The following HSPA8 variants were observed in gnomAD, a reference collection of about 807,000 sequenced individuals.
HSPA8 encodes heat shock cognate 71 kDa protein.
In HSPA8, 2 loss-of-function variants were observed where a neutral mutation model predicts 52.8. The observed-to-expected ratio is 0.04, with a 90% CI of 0.02 to 0.12. The LOEUF (loss-of-function observed/expected upper bound fraction) is 0.12, where lower values mean the gene tolerates loss of function less well. HSPA8 is among the 10% of genes least tolerant of loss of function. HSPA8 has a pLI of 1.00. For missense variants in HSPA8, 349 were observed against 800.5 expected (o/e 0.44, Z 6.81); for synonymous variants, 436 against 274.0 (o/e 1.59, Z -5.84).
intron 2 of HSPA8, 160 bp downstream of exon 2, chr11:123,060,960 C>T (rs1795680370): frequency 2.3e-6 from 2 of 885,656 alleles, no homozygotes; most frequent in Non-Finnish European, 3.5e-6. Flanking sequence ...ATCCAGATTT[C>T]AGCCTGAAAG....
rs77374206 is a variant in HSPA8 at position 123,058,493 on chromosome 11, G to A, written c.1523-9C>T. On this transcript the variant is annotated splice_polypyrimidine_tract_variant and intron_variant, in intron 7 of 8. Coordinates refer to ENST00000534624, the MANE Select transcript of HSPA8 (RefSeq NM_006597.6). ...TTCCTTGCTCAAACGGCCTAGGAAA[G>A]AAATTAACTCTAAGTAAAAGCCTTA... is the stretch of plus-strand genomic sequence containing the variant. 121 of 1,611,848 alleles carry A rather than the reference G, an allele frequency of 7.5e-5. No individual in the cohort carries two copies. Among genetic ancestry groups the A allele is most frequent in the Non-Finnish European group, 9.2e-5 (108 of 1,178,194 alleles).
intron 6 of HSPA8, 41 bp from the exon 7 acceptor site, chr11:123,058,871 G>T (rs771005222): frequency 1.9e-6 from 3 of 1,565,814 alleles, no homozygotes; most frequent in Non-Finnish European, 2.6e-6. Context: ...TGGACTCCAG[G>T]TCTGTGACAG....
At position 123,059,037 on chromosome 11, in the gene HSPA8, CAAGAG is replaced by C. The variant is rs1420575637; in HGVS notation, c.1323+17_1323+21del. The C allele has an allele frequency of 6.3e-7, 1 of 1,599,718 alleles. No individual in the cohort carries two copies. Among genetic ancestry groups the C allele is most frequent in the Non-Finnish European group, 8.6e-7 (1 of 1,167,146 alleles). On this transcript the variant is annotated intron_variant, in intron 6 of 8. Coordinates refer to ENST00000534624, the MANE Select transcript of HSPA8 (RefSeq NM_006597.6). ...CTTTATCTGTTATCAGTAAGCCAAA[CAAGAG>C]AAGTACAGAAACATACCTGAATAAG...
rs1865530238 is a variant in HSPA8 at position 123,062,087 on chromosome 11, T to C, written c.-29A>G. The C allele has an allele frequency of 6.5e-6, 1 of 152,818 alleles. No homozygotes were observed. The highest frequency in any genetic ancestry group is 1.5e-5 in the Non-Finnish European group (1 of 68,602). 9.5% of individuals were successfully genotyped at this position (152,818 alleles called of 1,614,324 possible). On this transcript the variant is annotated 5_prime_UTR_variant, in exon 1 of 9. Coordinates refer to ENST00000534624, the MANE Select transcript of HSPA8 (RefSeq NM_006597.6). The stretch of plus-strand genomic sequence containing the variant: ...ACCTGGGGTGTAGGCCTGGCTCCAA[T>C]AACGAAGGAAGCCACAAAAAACCCA...
chr11:123,059,410 C>CTCATCACAG (rs1395158399), intron 5 of HSPA8, 63 bp downstream of exon 5: 10 of 1,444,920 alleles, frequency 6.9e-6, no homozygotes, highest in Non-Finnish European at 8.6e-6. Context: ...TTAACAATCA[C>CTCATCACAG]TCATCACAGC....
rs748576941 is a variant in HSPA8, at chr11:123,059,687, A to G, written c.906T>C (p.Phe302=). 37 of 1,613,848 alleles carry G rather than the reference A, an allele frequency of 2.3e-5. No individual in the cohort carries two copies. The highest frequency in any genetic ancestry group is 3.0e-5 in the Non-Finnish European group (35 of 1,179,924). The change falls in exon 5 of 9, where the codon TTT becomes TTC. Residue 302 remains phenylalanine, a synonymous_variant. Coordinates refer to ENST00000534624, the MANE Select transcript of HSPA8 (RefSeq NM_006597.6). ...GGAACAGGTCAGCATTCAGTTCTTC[A>G]AATCGGGCACGGGTAATGGAGGTAT... ...DFYTSITRAR[F]EELNADLFRG...
intron 2 of HSPA8, 127 bp downstream of exon 2, chr11:123,060,993 C>T: frequency 1.1e-6 from 1 of 934,866 alleles, no homozygotes; most frequent in Non-Finnish European, 1.7e-6. Flanking sequence ...TGTTTTATAA[C>T]AGACTTGATA....
intron 2 of HSPA8, 115 bp from the exon 3 acceptor site, chr11:123,060,913 A>G: frequency 6.0e-6 from 6 of 997,352 alleles, no homozygotes; most frequent in Non-Finnish European, 7.6e-6. Flanking sequence ...CAACTACCAT[A>G]TAGGTAGCAA....
In HSPA8 at chr11:123,060,761, A is replaced by C. The variant is rs1312866375; in HGVS notation, c.243T>G (p.Ala81=). The C allele has an allele frequency of 6.2e-7, 1 of 1,614,130 alleles. No homozygotes were observed. The highest frequency in any genetic ancestry group is 8.5e-7 in the Non-Finnish European group (1 of 1,180,024). ...KRLIGRRFDD[A]VVQSDMKHWP... is the part of the protein sequence containing the mutation. ...AATGTTTCATATCAGACTGGACAAC[A>C]GCATCATCAAATCTGCGTCCAATCA... The change falls in exon 3 of 9, where the codon GCT becomes GCG. Residue 81 remains alanine (A), a synonymous_variant. Transcript: ENST00000534624.
chr11:123,059,926 C>A lies in HSPA8; in HGVS notation c.667G>T (p.Ala223Ser), dbSNP rs1402476075. The A allele has an allele frequency of 6.2e-7, 1 of 1,613,934 alleles. No homozygotes were observed. The highest frequency in any genetic ancestry group is 1.7e-5 in the Admixed American group (1 of 60,008). Residue 223 changes from alanine to serine, a missense_variant, in exon 5 of 9, where the codon GCT becomes TCT. By Grantham distance (99) the Ala-to-Ser change is moderately conservative. Coordinates refer to ENST00000534624, the MANE Select transcript of HSPA8 (RefSeq NM_006597.6). ...TCTCCACCCAAGTGGGTGTCTCCAG[C>A]TGTAGACTTGACCTCAAAGATTCCA... ...EDGIFEVKST[A>S]GDTHLGGEDF... is the part of the protein sequence containing the mutation.
chr11:123,058,226 GAA>G (rs71057327), intron 8 of HSPA8, 24 bp downstream of exon 8: 30,820 of 996,634 alleles, frequency 0.031, 99 homozygotes, highest in East Asian at 0.16. Flanking sequence ...AGTGGGGGAG[GAA>G]AAAAAAAAAA....
chr11:123,060,366 C>A, intron 3 of HSPA8, 98 bp from the exon 4 acceptor site: 3 of 1,157,014 alleles, frequency 2.6e-6, no homozygotes, highest in Non-Finnish European at 3.7e-6. Flanking sequence ...ACAGCTGGAG[C>A]ACCCCCCCCA....
chr11:123,058,227 A>AC, intron 8 of HSPA8, 25 bp downstream of exon 8: 1 of 420,134 alleles, frequency 2.4e-6, no homozygotes, highest in Non-Finnish European at 3.1e-6. Flanking sequence ...GTGGGGGAGG[A>AC]AAAAAAAAAA....
intron 3 of HSPA8, 62 bp downstream of exon 3, chr11:123,060,531 C>T: frequency 3.1e-6 from 4 of 1,277,880 alleles, no homozygotes; most frequent in South Asian, 2.5e-5. Flanking sequence ...GCCAGTGCCC[C>T]CGGGAGTCAT....
chr11:123,060,817 G>A lies in HSPA8; in HGVS notation c.206-19C>T, dbSNP rs754897585. The A allele has an allele frequency of 2.5e-6, 4 of 1,593,922 alleles. No individual in the cohort carries two copies. Among genetic ancestry groups the A allele is most frequent in the South Asian group, 1.1e-5 (1 of 90,282 alleles). ...TTGGCATCTGTAAAAGGTGTCAAAT[G>A]AAAACACTTTCAATTTCATAGCTCT... is the stretch of plus-strand genomic sequence containing the variant. On this transcript the variant is annotated intron_variant, in intron 2 of 8. Coordinates refer to ENST00000534624, the MANE Select transcript of HSPA8 (RefSeq NM_006597.6).
intron 1 of HSPA8, 172 bp from the exon 2 acceptor site, chr11:123,061,501 T>C: frequency 1.6e-6 from 1 of 618,658 alleles, no homozygotes; most frequent in South Asian, 2.0e-5. Flanking sequence ...CAGTCCAGGT[T>C]GCCGTGCCAA....
chr11:123,060,347 G>A, intron 3 of HSPA8, 79 bp from the exon 4 acceptor site: 1 of 1,374,184 alleles, frequency 7.3e-7, no homozygotes, highest in South Asian at 1.2e-5. Context: ...GATTAATGCT[G>A]GTGAAAGAAC....
chr11:123,058,660 C>T lies in HSPA8; in HGVS notation c.1494G>A (p.Glu498=), dbSNP rs1387335670. ...TGTCATTAGTGATAGTAATCTTGTT[C>T]TCTTTTCCCGTACTCTTGTCCACAG... ...VSAVDKSTGK[E]NKITITNDKG... is the part of the protein sequence containing the mutation. The change falls in exon 7 of 9, where the codon GAG becomes GAA. Residue 498 remains glutamate (E), a synonymous_variant. Coordinates refer to ENST00000534624, the MANE Select transcript of HSPA8 (RefSeq NM_006597.6). 1 of 1,613,712 alleles carries T rather than the reference C, an allele frequency of 6.2e-7. No homozygotes were observed.
chr11:123,061,695 A>C, intron 1 of HSPA8: 1 of 298,134 alleles, frequency 3.4e-6, no homozygotes, highest in Non-Finnish European at 6.5e-6. Context: ...GAAGCACGCC[A>C]AGAACAGCTC....
Sources: allele counts gnomAD v4.1 joint callset, GRCh38; gene constraint gnomAD v4.1.1; transcripts MANE v1.5; gene names NCBI Gene and HGNC (gene_info 2026-07-23, HGNC 2026-07-21).